The following GALNT8 variants were observed in gnomAD, a reference collection of about 807,000 sequenced individuals.
The protein encoded by GALNT8 is polypeptide N-acetylgalactosaminyltransferase 8, also known as probable polypeptide N-acetylgalactosaminyltransferase 8.
In GALNT8, 66 loss-of-function variants were observed where a neutral mutation model predicts 62.7. The ratio of observed to expected loss-of-function variants is 1.05; its 90% CI spans 0.86 to 1.29. The LOEUF (loss-of-function observed/expected upper bound fraction) is 1.29. GALNT8 is among the 50% of genes most tolerant of loss of function. The probability of loss-of-function intolerance (pLI) is 0.00; values close to 1 mark genes in which losing one functional copy is unlikely to be tolerated. For synonymous variants in GALNT8, 288 were observed against 294.3 expected, an observed-to-expected ratio of 0.98 and a Z score of 0.22; for missense variants, 771 against 791.8, an observed-to-expected ratio of 0.97 and a Z score of 0.32.
chr12:4,741,267 C>A (rs1484974418), intron 3 of GALNT8, among the ~76,000 whole-genome samples: 1 of 151,892 alleles, frequency 6.6e-6, no homozygotes, highest in East Asian at 1.9e-4. Flanking sequence ...TTTTTTATTT[C>A]CAATGTAACT....
At chr12:4,724,509 C>T (rs1010903734) in intron 1 of GALNT8, among the ~76,000 whole-genome samples, 1 of 152,174 alleles carries the variant, frequency 6.6e-6, no homozygotes, top group South Asian at 2.1e-4. Context: ...AGATATCCCC[C>T]CAAGGAAGAA....
At chr12:4,743,163 C>T (rs914567992) in intron 3 of GALNT8, among the ~76,000 whole-genome samples, 5 of 152,188 alleles carry the variant, frequency 3.3e-5, no homozygotes, top group African/African-American at 1.2e-4. Flanking sequence ...GTACTTTTCT[C>T]TAGGTTGAGG....
intron 10 of GALNT8, 102 bp from the exon 11 acceptor site, chr12:4,772,343 C>T: frequency 1.0e-6 from 1 of 1,003,316 alleles, no homozygotes; most frequent in Non-Finnish European, 1.5e-6. Context: ...CTGAGGGGTC[C>T]CTCAAGAATG....
chr12:4,755,994 G>C (rs1217525004), intron 6 of GALNT8, among the ~76,000 whole-genome samples: 1 of 152,136 alleles, frequency 6.6e-6, no homozygotes, highest in Non-Finnish European at 1.5e-5. Flanking sequence ...GGGCAAATGG[G>C]ACCATGTGAA....
At chr12:4,738,149 G>A (rs568412124) in intron 2 of GALNT8, among the ~76,000 whole-genome samples, 2 of 152,264 alleles carry the variant, frequency 1.3e-5, no homozygotes, top group South Asian at 4.1e-4. Context: ...TCTTGACAAG[G>A]GTGCTAAGAC....
In GALNT8 at chr12:4,735,529, A is replaced by C. The variant is rs112528814; in HGVS notation, c.510-3634A>C. ...ACACCTTCTCCTTCCTCCACTAGGA[A>C]TGCAAAAGCTCTATGCCTAGTGGAG... On this transcript the variant is annotated intron_variant, in intron 2 of 10. Coordinates refer to ENST00000252318, the MANE Select transcript of GALNT8 (RefSeq NM_017417.2). 2.1e-3 allele frequency among the ~76,000 whole-genome samples: 315 copies of C among 152,340 alleles called. 3 individuals are homozygous for C. Among genetic ancestry groups the C allele is most frequent in the African/African-American group, 6.9e-3 (286 of 41,572 alleles).
rs1213258748 is a variant in GALNT8, at chr12:4,720,500, A to G, written c.-178A>G. On this transcript the variant is annotated 5_prime_UTR_variant, in exon 1 of 11. Transcript: ENST00000252318. ...CATAAAGACAAAGAAGGCAATAAGG[A>G]GACTTTGCTCCTCAGAGGCCACCCG... The G allele has an allele frequency of 4.0e-5, 24 of 601,592 alleles. No homozygotes were observed. Among genetic ancestry groups the G allele is most frequent in the Admixed American group, 5.9e-5 (2 of 34,004 alleles). 37.3% of individuals were successfully genotyped at this position (601,592 alleles called of 1,614,324 possible).
At chr12:4,769,601 T>C (rs1443202530) in intron 10 of GALNT8, among the ~76,000 whole-genome samples, 1 of 151,966 alleles carries the variant, frequency 6.6e-6, no homozygotes, top group Non-Finnish European at 1.5e-5. Context: ...TTAATAAAAT[T>C]GGAAAAGATG....
In GALNT8 at chr12:4,764,145, G is replaced by C. The variant is rs544083931; in HGVS notation, c.1593+98G>C. ...GTCTGGACTCCGTGATACGTGATGG[G>C]GAGGCAGGAGCGGAGCATCCTGGGT... On this transcript the variant is annotated intron_variant, in intron 9 of 10. Transcript: ENST00000252318. 1.5e-4 allele frequency: 113 copies of C among 773,762 alleles called. 2 individuals are homozygous for C. The South Asian group carries it at 1.5e-3, about 10-fold the overall frequency. 47.9% of individuals were successfully genotyped at this position (773,762 alleles called of 1,614,324 possible).
At chr12:4,761,909 G>A (rs1379749800) in intron 7 of GALNT8, among the ~76,000 whole-genome samples, 2 of 152,168 alleles carry the variant, frequency 1.3e-5, no homozygotes, top group Non-Finnish European at 2.9e-5. Context: ...GTAGCCCCCA[G>A]AAAGACAGGG....
chr12:4,750,500 C>T (rs1010575245), intron 6 of GALNT8, among the ~76,000 whole-genome samples: 5 of 152,156 alleles, frequency 3.3e-5, no homozygotes, highest in African/African-American at 9.7e-5. Context: ...CAGCTCCATC[C>T]ATGTCCTTGC....
intron 1 of GALNT8, among the ~76,000 whole-genome samples, chr12:4,721,551 C>G (rs1217407201): frequency 2.0e-5 from 3 of 152,178 alleles, no homozygotes; most frequent in Admixed American, 2.0e-4. Flanking sequence ...TTTAGATATG[C>G]ATACACATAA....
intron 2 of GALNT8, among the ~76,000 whole-genome samples, chr12:4,737,361 A>G (rs966595387): frequency 4.6e-5 from 7 of 152,144 alleles, no homozygotes; most frequent in Non-Finnish European, 1.0e-4. Flanking sequence ...TCTGAGAATT[A>G]AACACTCCAG....
At position 4,726,293 on chromosome 12, in the gene GALNT8, G is replaced by A. The variant is rs1946195007; in HGVS notation, c.212-239G>A. On this transcript the variant is annotated intron_variant, in intron 1 of 10. Transcript: ENST00000252318. The surrounding 1 kb of genome is among the most constrained non-coding windows in gnomAD (Gnocchi z 4.1). ...GTTCTTCGAGGAGCTTTGAAGATGTGGGATGGAGGAGTTTTGATGGGGCTA... is the reference window on the plus strand; with the variant it reads ...GTTCTTCGAGGAGCTTTGAAGATGTAGGATGGAGGAGTTTTGATGGGGCTA... Among the ~76,000 whole-genome samples, 1 of 152,118 alleles carries A rather than the reference G, an allele frequency of 6.6e-6. No homozygotes were observed. The highest frequency in any genetic ancestry group is 6.5e-5 in the Admixed American group (1 of 15,276).
intron 1 of GALNT8, among the ~76,000 whole-genome samples, chr12:4,723,714 A>C (rs1026064168): frequency 2.0e-5 from 3 of 150,880 alleles, no homozygotes; most frequent in Non-Finnish European, 4.4e-5. Flanking sequence ...TTGAACCTCA[A>C]AAAGTCTTCT....
intron 10 of GALNT8, among the ~76,000 whole-genome samples, chr12:4,766,142 C>A (rs1471911015): frequency 2.0e-5 from 3 of 152,206 alleles, no homozygotes; most frequent in Non-Finnish European, 4.4e-5. Context: ...AGGAGAATTA[C>A]TTCTTGTGGC....
At chr12:4,721,323 T>C (rs1184411448) in intron 1 of GALNT8, among the ~76,000 whole-genome samples, 2 of 152,086 alleles carry the variant, frequency 1.3e-5, no homozygotes, top group Admixed American at 6.5e-5. Flanking sequence ...AAACAAAGTA[T>C]GTAGAGAGAA....
chr12:4,750,790 A>T (rs10849137), intron 6 of GALNT8, among the ~76,000 whole-genome samples: 57,021 of 151,990 alleles, frequency 0.38, 11,052 homozygotes, highest in Admixed American at 0.44. Context: ...ACTCCCATCA[A>T]CAGTGTACAA....
intron 3 of GALNT8, among the ~76,000 whole-genome samples, chr12:4,742,546 A>G (rs1946276564): frequency 6.6e-6 from 1 of 152,192 alleles, no homozygotes; most frequent in African/African-American, 2.4e-5. Flanking sequence ...AAGATACCTT[A>G]ATGTGTGAAG....
Sources: allele counts gnomAD v4.1 joint callset (sites outside exome capture counted in the v4.1 genomes callset), GRCh38; gene constraint gnomAD v4.1.1; non-coding constraint Gnocchi (gnomAD v3.1); transcripts MANE v1.5; gene names NCBI Gene and HGNC (gene_info 2026-07-23, HGNC 2026-07-21).